Variants in SLC49A4 observed in about 807,000 individuals in gnomAD.
The protein encoded by SLC49A4 is solute carrier family 49 member 4.
Under a neutral mutation model 50.6 loss-of-function variants are expected in SLC49A4, and 36 were observed. The ratio of observed to expected loss-of-function variants is 0.71; its 90% CI spans 0.55 to 0.94. The LOEUF (loss-of-function observed/expected upper bound fraction) is 0.94, where lower values mean the gene tolerates loss of function less well. Among genes scored for constraint, SLC49A4 ranks in the 40% least tolerant of loss-of-function variants. The pLI, the probability that SLC49A4 is intolerant of heterozygous loss-of-function variation, is 0.00. For synonymous variants in SLC49A4, 248 were observed against 241.2 expected, an observed-to-expected ratio of 1.03 and a Z score of -0.26; for missense variants, 503 against 605.7, an observed-to-expected ratio of 0.83 and a Z score of 1.78.
intron 1 of SLC49A4, 118 bp from the exon 2 acceptor site, chr3:122,806,739 C>A (rs1391465840): frequency 1.8e-4 from 98 of 546,700 alleles, no homozygotes; most frequent in East Asian, 2.4e-4. Flanking sequence ...TAAAGTTATA[C>A]AGAAAAGCCA....
Position 122,827,050 on chromosome 3 carries a change from G to A in SLC49A4, c.688G>A (p.Ala230Thr), listed in dbSNP as rs755474891. 1 of 1,611,438 alleles carries A rather than the reference G, an allele frequency of 6.2e-7. No homozygotes were observed. The highest frequency in any genetic ancestry group is 1.1e-5 in the South Asian group (1 of 91,048). ...GGCGCATATTAAAGATCGCATAGAG[G>A]CTGTGTTATATGCAGGTAATTTGAA... ...SRAHIKDRIE[A>T]VLYAEFGVVC... Residue 230 changes from alanine (A) to threonine (T), a missense_variant, in exon 3 of 9, where the codon GCT becomes ACT. Coordinates refer to ENST00000261038, the MANE Select transcript of SLC49A4 (RefSeq NM_032839.3).
chr3:122,839,788 T>C (rs79837630), intron 4 of SLC49A4, among the ~76,000 whole-genome samples: 1,855 of 152,284 alleles, frequency 0.012, 29 homozygotes, highest in African/African-American at 0.042. Flanking sequence ...ACACTGCTGG[T>C]AGGAATGTGA....
chr3:122,829,122 A>G (rs1261762889), intron 3 of SLC49A4, among the ~76,000 whole-genome samples: 3 of 152,256 alleles, frequency 2.0e-5, no homozygotes, highest in East Asian at 1.9e-4. Flanking sequence ...CAAAGGTAAC[A>G]TAAGAAAAGT....
intron 7 of SLC49A4, among the ~76,000 whole-genome samples, chr3:122,864,980 C>T (rs532042961): frequency 1.3e-5 from 2 of 152,114 alleles, no homozygotes; most frequent in Non-Finnish European, 2.9e-5. Flanking sequence ...TGCACTCCAA[C>T]GTGGATGACA....
intron 1 of SLC49A4, among the ~76,000 whole-genome samples, chr3:122,798,662 T>TTTG (rs34893355): frequency 6.9e-6 from 1 of 144,688 alleles, no homozygotes; most frequent in Non-Finnish European, 1.5e-5. Context: ...TTTTTTTTTT[T>TTTG]GAGACAGAGT....
At chr3:122,828,779 G>A (rs1488585600) in intron 3 of SLC49A4, among the ~76,000 whole-genome samples, 1 of 152,078 alleles carries the variant, frequency 6.6e-6, no homozygotes, top group Admixed American at 6.6e-5. Flanking sequence ...AAATAAAAAT[G>A]TAAAAATGAG....
At chr3:122,842,966 G>A (rs1434275008) in intron 4 of SLC49A4, among the ~76,000 whole-genome samples, 1 of 152,052 alleles carries the variant, frequency 6.6e-6, no homozygotes, top group African/African-American at 2.4e-5. Flanking sequence ...ATTGCTTTCT[G>A]AGTTAATCAG....
Position 122,873,426 on chromosome 3 carries a change from C to A in SLC49A4, c.1321+829C>A, listed in dbSNP as rs145144057. 7.7e-4 allele frequency among the ~76,000 whole-genome samples: 117 copies of A among 152,242 alleles called. 1 individual carries two copies. Among genetic ancestry groups the A allele is most frequent in the African/African-American group, 2.8e-3 (116 of 41,548 alleles). On this transcript the variant is annotated intron_variant, in intron 8 of 8. Transcript: ENST00000261038. Reference sequence around the variant, plus strand: ...AGCTCCTGACCTCAAGTAATCCACCCACCTCAGCCTCCTAAAGTGCTGGGA... The same window carrying A: ...AGCTCCTGACCTCAAGTAATCCACCAACCTCAGCCTCCTAAAGTGCTGGGA...
intron 7 of SLC49A4, 142 bp downstream of exon 7, chr3:122,860,344 C>T: frequency 1.4e-6 from 1 of 740,028 alleles, no homozygotes; most frequent in Non-Finnish European, 1.9e-6. Context: ...GTCATCAAAC[C>T]ATCATCTTAT....
intron 4 of SLC49A4, among the ~76,000 whole-genome samples, chr3:122,840,551 T>C (rs1382818098): frequency 6.6e-6 from 1 of 152,158 alleles, no homozygotes; most frequent in East Asian, 1.9e-4. Flanking sequence ...TAGTAGCATA[T>C]TGTTTAACCA....
intron 5 of SLC49A4, among the ~76,000 whole-genome samples, chr3:122,848,564 T>G (rs1936886795): frequency 6.6e-6 from 1 of 152,190 alleles, no homozygotes; most frequent in Non-Finnish European, 1.5e-5. Flanking sequence ...TGTCTCTGAA[T>G]GATGCTTTAT....
At chr3:122,799,958 A>G (rs1936107120) in intron 1 of SLC49A4, among the ~76,000 whole-genome samples, 1 of 152,132 alleles carries the variant, frequency 6.6e-6, no homozygotes, top group Non-Finnish European at 1.5e-5. Flanking sequence ...TGGCGTGGAG[A>G]TGAGGGATTT....
At chr3:122,813,045 T>C (rs1452723366) in intron 2 of SLC49A4, among the ~76,000 whole-genome samples, 1 of 151,728 alleles carries the variant, frequency 6.6e-6, no homozygotes, top group Non-Finnish European at 1.5e-5. Flanking sequence ...AGGTCAGGAG[T>C]TTAAGACCAG....
intron 4 of SLC49A4, among the ~76,000 whole-genome samples, chr3:122,834,067 C>T (rs369919462): frequency 6.6e-6 from 1 of 152,046 alleles, no homozygotes; most frequent in Non-Finnish European, 1.5e-5. Flanking sequence ...ATATAAAATA[C>T]CACTATTGAT....
intron 8 of SLC49A4, among the ~76,000 whole-genome samples, chr3:122,873,520 G>A (rs147606643): frequency 1.3e-3 from 197 of 152,270 alleles, no homozygotes; most frequent in African/African-American, 4.3e-3. Flanking sequence ...TTATCCCTGG[G>A]TTTTGGACAA....
intron 8 of SLC49A4, among the ~76,000 whole-genome samples, 164 bp from the exon 9 acceptor site, chr3:122,879,099 T>A (rs973328193): frequency 3.3e-5 from 5 of 152,258 alleles, no homozygotes; most frequent in Admixed American, 2.0e-4. Flanking sequence ...ACACATCACT[T>A]AGTCTCCAGA....
At chr3:122,821,625 T>TC (rs1936454099) in intron 2 of SLC49A4, among the ~76,000 whole-genome samples, 1 of 152,146 alleles carries the variant, frequency 6.6e-6, no homozygotes, top group African/African-American at 2.4e-5. Flanking sequence ...AATTAACTAG[T>TC]CCATTACTGG....
intron 4 of SLC49A4, among the ~76,000 whole-genome samples, chr3:122,843,458 C>A (rs1472631025): frequency 6.6e-6 from 1 of 152,138 alleles, no homozygotes; most frequent in Non-Finnish European, 1.5e-5. Context: ...CTCTTTTTAA[C>A]ATATAGTGCC....
At chr3:122,816,396 A>G (rs1295050314) in intron 2 of SLC49A4, among the ~76,000 whole-genome samples, 2 of 152,048 alleles carry the variant, frequency 1.3e-5, no homozygotes, top group African/African-American at 4.8e-5. Flanking sequence ...ACACAGAGTA[A>G]TGTTCTGATT....
Sources: allele counts gnomAD v4.1 joint callset (sites outside exome capture counted in the v4.1 genomes callset), GRCh38; gene constraint gnomAD v4.1.1; transcripts MANE v1.5; gene names NCBI Gene and HGNC (gene_info 2026-07-23, HGNC 2026-07-21).